Variants in MBP observed in about 807,000 individuals in gnomAD.
The protein encoded by MBP is Golli-MBP.
MBP carries 16 observed loss-of-function variants against 35.8 expected under a neutral mutation model. That is an observed-to-expected ratio of 0.45 (90% CI 0.30 to 0.68). The LOEUF (loss-of-function observed/expected upper bound fraction) is 0.68, where lower values mean the gene tolerates loss of function less well. Ranked by LOEUF, MBP falls within the 30% of genes least tolerant of loss-of-function variation. MBP has a pLI of 0.08. For synonymous variants in MBP, 143 were observed against 159.6 expected, an observed-to-expected ratio of 0.90 and a Z score of 0.78; for missense variants, 380 against 404.7, an observed-to-expected ratio of 0.94 and a Z score of 0.52.
chr18:76,980,750 G>C, intron 8 of MBP: 1 of 428,436 alleles, frequency 2.3e-6, no homozygotes, highest in South Asian at 3.1e-5. Flanking sequence ...GCAAAACAAC[G>C]CTGCACTTCT....
chr18:77,042,875 T>C (rs1973075113), intron 3 of MBP, among the ~76,000 whole-genome samples: 1 of 152,204 alleles, frequency 6.6e-6, no homozygotes, highest in African/African-American at 2.4e-5. Context: ...TTCAGTAAAA[T>C]ACTTTTAAAA....
chr18:76,985,230 A>T, intron 7 of MBP: 1 of 1,383,814 alleles, frequency 7.2e-7, no homozygotes, highest in Non-Finnish European at 9.6e-7. Context: ...GTTCAAGAGA[A>T]GATTAGCAAA....
In MBP at chr18:76,988,663, C is replaced by T. The variant is rs1969710086; in HGVS notation, c.718-136G>A. The T allele has an allele frequency of 3.0e-5, 45 of 1,483,608 alleles. No homozygotes were observed. In the South Asian group the frequency reaches 5.1e-4, roughly 17 times the overall value. 91.9% of individuals were successfully genotyped at this position (1,483,608 alleles called of 1,614,324 possible). ...GTTCCACCCGGAGCTCCGAGGGGGG[C>T]CGCAGGCTCAGGGCCACAGCGGCTG... On this transcript the variant is annotated intron_variant, in intron 6 of 8. Transcript: ENST00000355994. This position sits in a 1 kb window ranked among gnomAD's most constrained non-coding sequence, Gnocchi z 5.2.
chr18:77,094,064 C>T (rs1432747395), intron 2 of MBP, among the ~76,000 whole-genome samples: 2 of 151,848 alleles, frequency 1.3e-5, no homozygotes, highest in Admixed American at 6.6e-5. Context: ...GCAACCTCCA[C>T]CTCCTGGGTT....
At chr18:77,056,035 A>T (rs1377755132) in intron 3 of MBP, among the ~76,000 whole-genome samples, 3 of 152,366 alleles carry the variant, frequency 2.0e-5, no homozygotes, top group Middle Eastern at 3.4e-3. Context: ...GCTGCGCTCC[A>T]CTGACCGTGT....
intron 3 of MBP, among the ~76,000 whole-genome samples, chr18:77,062,089 C>T (rs1312399027): frequency 6.6e-6 from 1 of 152,218 alleles, no homozygotes; most frequent in African/African-American, 2.4e-5. Flanking sequence ...CCCTCCAGCC[C>T]TGTCTTTGAG....
At chr18:77,017,573 C>T (rs1256618082) in intron 3 of MBP, 8 of 265,754 alleles carry the variant, frequency 3.0e-5, no homozygotes, top group Admixed American at 1.6e-4. Flanking sequence ...CGTTTCTTCC[C>T]GGGTGCTGCC....
upstream of MBP, among the ~76,000 whole-genome samples, chr18:77,133,125 G>A (rs1977341810): frequency 6.6e-6 from 1 of 152,150 alleles, no homozygotes; most frequent in Admixed American, 6.5e-5. Flanking sequence ...CGCGGGAGGG[G>A]TGCCAGGCCG....
intron 7 of MBP, chr18:76,987,634 A>T: frequency 1.0e-6 from 1 of 985,844 alleles, no homozygotes; most frequent in Non-Finnish European, 1.2e-6. Context: ...CAGAAAGTGT[A>T]GGTAGGCTCT....
chr18:77,035,486 C>G (rs575981337), intron 3 of MBP, among the ~76,000 whole-genome samples: 11 of 152,360 alleles, frequency 7.2e-5, no homozygotes, highest in African/African-American at 2.6e-4. Flanking sequence ...CTGTCCACGT[C>G]TCCATTAGGA....
chr18:77,061,438 G>A (rs903896581), intron 3 of MBP, among the ~76,000 whole-genome samples: 2 of 152,232 alleles, frequency 1.3e-5, no homozygotes, highest in African/African-American at 4.8e-5. Context: ...GTGCACATGT[G>A]TTGTTTCTTA....
At chr18:77,060,145 C>G (rs1360343232) in intron 3 of MBP, among the ~76,000 whole-genome samples, 2 of 152,176 alleles carry the variant, frequency 1.3e-5, no homozygotes, top group Non-Finnish European at 2.9e-5. Flanking sequence ...ATGGCTGGCC[C>G]CGCCATTTCT....
chr18:77,119,141 T>C (rs1033074903), intron 1 of MBP, among the ~76,000 whole-genome samples: 1 of 152,052 alleles, frequency 6.6e-6, no homozygotes, highest in Non-Finnish European at 1.5e-5. Flanking sequence ...CTTGGAGCTG[T>C]GTAGTGGAGG....
Position 76,988,585 on chromosome 18 carries a change from C to T in MBP, c.718-58G>A, listed in dbSNP as rs554082000. 5 of 1,578,084 alleles carry T rather than the reference C, an allele frequency of 3.2e-6. No individual in the cohort carries two copies. In the Admixed American group the frequency reaches 7.0e-5, roughly 22 times the overall value. ...GTGGTCAGTGAAGGGAAAGTCCTTT[C>T]AATCAACAGGAAACACAGTCAAAGC... is the stretch of plus-strand genomic sequence containing the variant. On this transcript the variant is annotated intron_variant, in intron 6 of 8. Coordinates refer to ENST00000355994, the MANE Select transcript of MBP (RefSeq NM_001025101.2). This position sits in a 1 kb window ranked among gnomAD's most constrained non-coding sequence, Gnocchi z 5.2.
Position 76,988,900 on chromosome 18 carries a change from T to G in MBP, c.694A>C (p.Thr232Pro). The change falls in exon 6 of 9, where the codon ACA becomes CCA. Residue 232 changes from threonine (T) to proline (P), a missense_variant. By Grantham distance (38) the Thr-to-Pro change is conservative (BLOSUM62 -1). Transcript: ENST00000355994. This position sits in a 1 kb window ranked among gnomAD's most constrained non-coding sequence, Gnocchi z 5.2. Reference sequence around the variant, plus strand: ...ACCTTTCCCTGCGACGGGGGTGGTGTGCGAGGCGTCACCTGGAAAGACACA... The same window carrying G: ...ACCTTTCCCTGCGACGGGGGTGGTGGGCGAGGCGTCACCTGGAAAGACACA... ...HFFKNIVTPRTPPPSQGKGRG... is the reference protein window; with the variant it reads ...HFFKNIVTPRPPPPSQGKGRG... 2 of 1,613,926 alleles carry G rather than the reference T, an allele frequency of 1.2e-6. No individual in the cohort carries two copies. Among genetic ancestry groups the G allele is most frequent in the Non-Finnish European group, 1.7e-6 (2 of 1,179,906 alleles).
At chr18:77,014,394 A>G (rs754116665) in intron 4 of MBP, 73 of 985,450 alleles carry the variant, frequency 7.4e-5, no homozygotes, top group Non-Finnish European at 8.8e-5. Flanking sequence ...GGAATCTGCC[A>G]GGAAAACCTC....
chr18:77,041,042 G>A (rs988808877), intron 3 of MBP, among the ~76,000 whole-genome samples: 1 of 151,740 alleles, frequency 6.6e-6, no homozygotes, highest in African/African-American at 2.4e-5. Flanking sequence ...TCTGAGAAAG[G>A]GCTAGTATCC....
intron 3 of MBP, among the ~76,000 whole-genome samples, chr18:77,031,418 C>G (rs902125616): frequency 6.6e-6 from 1 of 152,184 alleles, no homozygotes; most frequent in African/African-American, 2.4e-5. Context: ...GCAGACACCT[C>G]CAATTCCCCT....
chr18:77,074,881 C>T (rs2144870850), intron 2 of MBP, among the ~76,000 whole-genome samples: 1 of 152,256 alleles, frequency 6.6e-6, no homozygotes, highest in East Asian at 1.9e-4. Context: ...ATGTAAAGAT[C>T]ACAGCAACTA....
Sources: allele counts gnomAD v4.1 joint callset (sites outside exome capture counted in the v4.1 genomes callset), GRCh38; gene constraint gnomAD v4.1.1; non-coding constraint Gnocchi (gnomAD v3.1); transcripts MANE v1.5; gene names NCBI Gene and HGNC (gene_info 2026-07-23, HGNC 2026-07-21).